The following WDR25 variants were observed in gnomAD, a reference collection of about 807,000 sequenced individuals.
WDR25 encodes WD repeat-containing protein 25.
WDR25 carries 35 observed loss-of-function variants against 47.7 expected under a neutral mutation model. That is an observed-to-expected ratio of 0.73 (90% CI 0.56 to 0.97). WDR25 has a LOEUF of 0.97. Among genes scored for constraint, WDR25 ranks in the 50% least tolerant of loss-of-function variants. The pLI is 0.00. For missense variants in WDR25, 634 were observed against 704.7 expected (o/e 0.90, Z 1.14); for synonymous variants, 248 against 278.9 (o/e 0.89, Z 1.10).
At position 100,498,882 on chromosome 14, in the gene WDR25, C is replaced by T. The variant is rs1900822350; in HGVS notation, c.1101+14758C>T. 6.6e-6 allele frequency among the ~76,000 whole-genome samples: 1 copy of T among 152,194 alleles called. No homozygotes were observed. The highest frequency in any genetic ancestry group is 1.5e-5 in the Non-Finnish European group (1 of 68,038). ...CGGGCCAGTGGCAGCCCTGTCCCTC[C>T]CCTTCTGTCTCTTACTTGGCCTGAG... is the stretch of plus-strand genomic sequence containing the variant. On this transcript the variant is annotated intron_variant, in intron 4 of 6. Transcript: ENST00000402312. The surrounding 1 kb of genome is among the most constrained non-coding windows in gnomAD (Gnocchi z 4.2).
At chr14:100,483,936 GA>G in intron 3 of WDR25, 57 bp from the exon 4 acceptor site, 4 of 1,550,814 alleles carry the variant, frequency 2.6e-6, no homozygotes, top group Non-Finnish European at 3.5e-6. Flanking sequence ...TTAGTTTTAA[GA>G]TATTTGTTTT....
At chr14:100,383,511 C>A (rs1297755033) in intron 2 of WDR25, among the ~76,000 whole-genome samples, 1 of 152,216 alleles carries the variant, frequency 6.6e-6, no homozygotes, top group Non-Finnish European at 1.5e-5. Context: ...CCTGTTGAGG[C>A]CTTCTTTTAC....
intron 5 of WDR25, among the ~76,000 whole-genome samples, chr14:100,528,385 C>T (rs1187412336): frequency 6.6e-6 from 1 of 152,064 alleles, no homozygotes; most frequent in Non-Finnish European, 1.5e-5. Flanking sequence ...ATCTTCACAC[C>T]ACCTTCACTG....
intron 4 of WDR25, among the ~76,000 whole-genome samples, chr14:100,505,477 G>C (rs1359842880): frequency 6.6e-6 from 1 of 152,032 alleles, no homozygotes; most frequent in Non-Finnish European, 1.5e-5. Context: ...ATACTCTTTT[G>C]GTTACTGTAG....
At chr14:100,520,011 CTATA>C (rs1214240620) in intron 4 of WDR25, among the ~76,000 whole-genome samples, 7 of 143,774 alleles carry the variant, frequency 4.9e-5, no homozygotes, top group African/African-American at 1.3e-4. Flanking sequence ...TATATGTACA[CTATA>C]TATATACACA....
At chr14:100,423,914 C>G (rs1898096765) in intron 2 of WDR25, among the ~76,000 whole-genome samples, 1 of 152,296 alleles carries the variant, frequency 6.6e-6, no homozygotes, top group South Asian at 2.1e-4. Flanking sequence ...CTGAAAACAT[C>G]ACTGGGCACT....
chr14:100,389,119 TTTTAGA>T lies in WDR25; in HGVS notation c.822+7378_822+7383del, dbSNP rs547044770. Among the ~76,000 whole-genome samples the T allele has an allele frequency of 2.4e-4, 37 of 152,318 alleles. No homozygotes were observed. The South Asian group carries it at 7.0e-3, about 29-fold the overall frequency. ...TGATGGCCTGTGTCCAAATGAGTTG[TTTTAGA>T]TTTAATTTGTTTTATCATAAAAGTG... On this transcript the variant is annotated intron_variant, in intron 2 of 6. Transcript: ENST00000402312.
chr14:100,479,807 C>T (rs549619152), intron 3 of WDR25, among the ~76,000 whole-genome samples: 35 of 152,170 alleles, frequency 2.3e-4, no homozygotes, highest in African/African-American at 7.7e-4. Context: ...TGAACATTCC[C>T]GCCTGAGCTC....
At chr14:100,438,957 C>T (rs1274960127) in intron 2 of WDR25, among the ~76,000 whole-genome samples, 1 of 152,234 alleles carries the variant, frequency 6.6e-6, no homozygotes, top group Non-Finnish European at 1.5e-5. Flanking sequence ...TAGGGGTCTG[C>T]ACTTCCTTTA....
chr14:100,461,909 T>G (rs1377455744), intron 2 of WDR25, among the ~76,000 whole-genome samples: 3 of 152,124 alleles, frequency 2.0e-5, no homozygotes, highest in African/African-American at 7.2e-5. Flanking sequence ...TTTCTGTTTT[T>G]TTTTGTTTGT....
chr14:100,441,419 G>A (rs553501918), intron 2 of WDR25, among the ~76,000 whole-genome samples: 8 of 152,286 alleles, frequency 5.3e-5, no homozygotes, highest in Non-Finnish European at 1.2e-4. Flanking sequence ...GGTGGTTTGC[G>A]TCTTACAGGA....
intron 2 of WDR25, among the ~76,000 whole-genome samples, chr14:100,413,228 C>T (rs1897761179): frequency 6.6e-6 from 1 of 151,598 alleles, no homozygotes; most frequent in Admixed American, 6.6e-5. Context: ...TGAGTTTTGA[C>T]AAACCTGTAT....
intron 2 of WDR25, among the ~76,000 whole-genome samples, chr14:100,395,076 G>A (rs1345372055): frequency 6.6e-6 from 1 of 152,208 alleles, no homozygotes; most frequent in Non-Finnish European, 1.5e-5. Context: ...GCCAGGTGAA[G>A]TGCTTGGGCT....
intron 3 of WDR25, among the ~76,000 whole-genome samples, chr14:100,475,833 T>C (rs112961294): frequency 0.01 from 1,541 of 152,206 alleles, 30 homozygotes; most frequent in African/African-American, 0.034. Context: ...ATTATCTTGA[T>C]TAAATCTTTC....
At chr14:100,393,093 T>C (rs1217331337) in intron 2 of WDR25, among the ~76,000 whole-genome samples, 1 of 152,272 alleles carries the variant, frequency 6.6e-6, no homozygotes, top group Non-Finnish European at 1.5e-5. Context: ...GAATGTGATC[T>C]GTAATTATTT....
intron 2 of WDR25, among the ~76,000 whole-genome samples, chr14:100,394,497 G>C (rs1486450795): frequency 2.0e-5 from 3 of 152,174 alleles, no homozygotes; most frequent in East Asian, 3.8e-4. Flanking sequence ...TTCTTCATTT[G>C]GTCATCTGTA....
chr14:100,377,407 C>G (rs2140126390), intron 1 of WDR25, among the ~76,000 whole-genome samples: 1 of 152,240 alleles, frequency 6.6e-6, no homozygotes, highest in Admixed American at 6.5e-5. Context: ...TCAAGCAATT[C>G]TGCGGCCTCA....
intron 2 of WDR25, among the ~76,000 whole-genome samples, chr14:100,399,986 T>G (rs1309554447): frequency 6.6e-6 from 1 of 152,156 alleles, no homozygotes; most frequent in Admixed American, 6.5e-5. Context: ...GTTAGATGCA[T>G]TTGTTGAATT....
At chr14:100,433,037 T>C (rs1317576100) in intron 2 of WDR25, among the ~76,000 whole-genome samples, 2 of 152,264 alleles carry the variant, frequency 1.3e-5, no homozygotes, top group Non-Finnish European at 2.9e-5. Context: ...TCTAATCTTA[T>C]GGGACCACTG....
Sources: gnomAD v4.1 joint callset for allele counts (sites outside exome capture counted in the v4.1 genomes callset) on GRCh38, gnomAD v4.1.1 for gene constraint, Gnocchi (gnomAD v3.1) non-coding constraint, MANE v1.5 for transcripts, NCBI Gene and HGNC (gene_info 2026-07-23, HGNC 2026-07-21) for gene names.